Variants in OCM observed in about 807,000 individuals in gnomAD.
OCM encodes the protein oncomodulin, also known as oncomodulin-1.
A neutral mutation model predicts 14.1 loss-of-function variants in OCM; 18 were observed. That is an observed-to-expected ratio of 1.28 (90% CI 0.88 to 1.89). The LOEUF (loss-of-function observed/expected upper bound fraction) is 1.89. Ranked by LOEUF, OCM falls within the 40% of genes most tolerant of loss-of-function variation. OCM has a pLI of 0.00. For synonymous variants in OCM, 48 were observed against 51.0 expected, an observed-to-expected ratio of 0.94 and a Z score of 0.25; for missense variants, 140 against 137.6, an observed-to-expected ratio of 1.02 and a Z score of -0.09.
chr7:5,866,730 A>G, the OCM span, among the ~76,000 whole-genome samples: 24 of 152,122 alleles, frequency 1.6e-4, no homozygotes, highest in African/African-American at 4.8e-4. Context: ...GTGGATACAT[A>G]TTGTGTCAAT....
At chr7:5,881,877 A>C (rs1428328143) in intron 1 of OCM, among the ~76,000 whole-genome samples, 1 of 151,950 alleles carries the variant, frequency 6.6e-6, no homozygotes, top group African/African-American at 2.4e-5. Flanking sequence ...ACTTGAGGTC[A>C]GGAGTTCAAG....
the OCM span, among the ~76,000 whole-genome samples, chr7:5,871,147 G>C: frequency 5.3e-3 from 797 of 150,652 alleles, 10 homozygotes; most frequent in African/African-American, 0.019. Flanking sequence ...AGGCATTTGA[G>C]ACCAGCCTGG....
At chr7:5,862,156 G>C in the OCM span, among the ~76,000 whole-genome samples, 1 of 152,036 alleles carries the variant, frequency 6.6e-6, no homozygotes, top group Non-Finnish European at 1.5e-5. Context: ...TCGTTTTAAA[G>C]ACAGGATCCA....
chr7:5,869,770 G>T, the OCM span, among the ~76,000 whole-genome samples: 2 of 151,790 alleles, frequency 1.3e-5, no homozygotes, highest in African/African-American at 4.8e-5. Context: ...CCCATAATCC[G>T]CACGTGCTTG....
rs920158307 is a variant in OCM at position 5,886,296 on chromosome 7, T to C, written c.*207T>C. ...GGTGGGTATATGCCCTGACAACTTC[T>C]GTAAGCCCCCCTTCCCCCAACAGGC... On this transcript the variant is annotated 3_prime_UTR_variant, in exon 4 of 4. Transcript: ENST00000242104. 1.9e-5 allele frequency: 11 copies of C among 579,396 alleles called. No individual in the cohort carries two copies. The highest frequency in any genetic ancestry group is 1.3e-4 in the African/African-American group (7 of 53,622). 35.9% of individuals were successfully genotyped at this position (579,396 alleles called of 1,614,324 possible).
the OCM span, among the ~76,000 whole-genome samples, chr7:5,862,883 G>T: frequency 0.015 from 2,332 of 151,296 alleles, 52 homozygotes; most frequent in African/African-American, 0.053. Flanking sequence ...ATGCATCATG[G>T]ACTCTTTACT....
At chr7:5,870,221 C>G in the OCM span, among the ~76,000 whole-genome samples, 1 of 152,070 alleles carries the variant, frequency 6.6e-6, no homozygotes. Context: ...ATCCATCCTC[C>G]CACCTCAGGC....
At chr7:5,865,439 A>G in the OCM span, among the ~76,000 whole-genome samples, 3 of 152,312 alleles carry the variant, frequency 2.0e-5, no homozygotes, top group South Asian at 6.2e-4. Context: ...TGGAGGAGAA[A>G]GAGAACCCCA....
the OCM span, among the ~76,000 whole-genome samples, chr7:5,868,439 G>A: frequency 2.0e-5 from 3 of 151,982 alleles, no homozygotes; most frequent in Non-Finnish European, 2.9e-5. Context: ...GAGCCACCGC[G>A]CCCGGCCACT....
the OCM span, among the ~76,000 whole-genome samples, chr7:5,866,915 T>C: frequency 6.6e-6 from 1 of 152,228 alleles, no homozygotes; most frequent in African/African-American, 2.4e-5. Flanking sequence ...TCTATAAATA[T>C]ATATTTTCCA....
chr7:5,882,143 T>C (rs1349253724), intron 1 of OCM, among the ~76,000 whole-genome samples: 1 of 147,136 alleles, frequency 6.8e-6, no homozygotes, highest in East Asian at 2.0e-4. Flanking sequence ...TTTAGCCTGT[T>C]GAAATCCAGT....
At chr7:5,866,913 T>C in the OCM span, among the ~76,000 whole-genome samples, 1 of 152,228 alleles carries the variant, frequency 6.6e-6, no homozygotes, top group Non-Finnish European at 1.5e-5. Context: ...TGTCTATAAA[T>C]ATATATTTTC....
Position 5,886,138 on chromosome 7 carries a change from G to C in OCM, c.*49G>C, listed in dbSNP as rs1336953540. 1.3e-6 allele frequency: 2 copies of C among 1,567,264 alleles called. No individual in the cohort carries two copies. The highest frequency in any genetic ancestry group is 2.7e-5 in the African/African-American group (2 of 73,818). On this transcript the variant is annotated 3_prime_UTR_variant, in exon 4 of 4. Transcript: ENST00000242104. Reference sequence around the variant, plus strand: ...AGAGAAAGGGATAATCACCTGGAAGGATTCCAAAGCCCTGGGAATGGGGAA... The same window carrying C: ...AGAGAAAGGGATAATCACCTGGAAGCATTCCAAAGCCCTGGGAATGGGGAA...
chr7:5,884,782 T>G (rs746737117), intron 3 of OCM, among the ~76,000 whole-genome samples: 29 of 151,418 alleles, frequency 1.9e-4, no homozygotes, highest in Non-Finnish European at 3.7e-4. Flanking sequence ...TGCAGATAGA[T>G]AGCTCATAAA....
upstream of OCM, among the ~76,000 whole-genome samples, chr7:5,879,218 G>A (rs548383084): frequency 2.0e-5 from 3 of 152,246 alleles, no homozygotes; most frequent in African/African-American, 7.2e-5. Flanking sequence ...ACAAAATCTT[G>A]AGGTGTCTAG....
At chr7:5,869,068 CAAACAAAACA>C in the OCM span, among the ~76,000 whole-genome samples, 1 of 151,656 alleles carries the variant, frequency 6.6e-6, no homozygotes, top group Non-Finnish European at 1.5e-5. Context: ...GTCTCAAAAA[CAAACAAAACA>C]AAACAAAACA....
the OCM span, among the ~76,000 whole-genome samples, chr7:5,860,554 T>C: frequency 3.2e-4 from 34 of 106,106 alleles, 4 homozygotes; most frequent in South Asian, 5.9e-3. Flanking sequence ...TATATATACG[T>C]GTATATATAC....
chr7:5,884,852 G>T (rs1229483871), intron 3 of OCM, among the ~76,000 whole-genome samples: 2 of 152,132 alleles, frequency 1.3e-5, no homozygotes, highest in Non-Finnish European at 2.9e-5. Flanking sequence ...GGGCGTGGTG[G>T]CTCAGGCCTA....
At chr7:5,860,409 C>A in the OCM span, among the ~76,000 whole-genome samples, 985 of 129,004 alleles carry the variant, frequency 7.6e-3, 28 homozygotes, top group Middle Eastern at 0.021. Context: ...TGTATATATA[C>A]GTATATATAT....
Sources: allele counts gnomAD v4.1 joint callset (sites outside exome capture counted in the v4.1 genomes callset), GRCh38; gene constraint gnomAD v4.1.1; transcripts MANE v1.5; gene names NCBI Gene and HGNC (gene_info 2026-07-23, HGNC 2026-07-21).